Variants in SIN3B observed in about 807,000 individuals in gnomAD.
The protein encoded by SIN3B is SIN3 transcription regulator family member B.
A neutral mutation model predicts 120.2 loss-of-function variants in SIN3B; 19 were observed. The observed-to-expected ratio is 0.16, with a 90% confidence interval of 0.11 to 0.23. SIN3B has a LOEUF of 0.23. SIN3B is among the 10% of genes least tolerant of loss of function. SIN3B has a pLI of 1.00. For missense variants in SIN3B, 1,073 were observed against 1,573.0 expected (o/e 0.68, Z 5.38); for synonymous variants, 654 against 653.2 (o/e 1.00, Z -0.02).
intron 5 of SIN3B, among the ~76,000 whole-genome samples, chr19:16,849,440 CTT>C (rs1401237515): frequency 1.3e-5 from 2 of 152,126 alleles, no homozygotes; most frequent in Non-Finnish European, 2.9e-5. Context: ...ACCAACAAAA[CTT>C]TATTTACAAA....
chr19:16,856,322 C>T (rs1184629843), intron 8 of SIN3B, among the ~76,000 whole-genome samples: 1 of 152,122 alleles, frequency 6.6e-6, no homozygotes, highest in Non-Finnish European at 1.5e-5. Flanking sequence ...CACATCAGCC[C>T]TGTGACTAGG....
Position 16,866,264 on chromosome 19 carries a change from TG to T in SIN3B, c.1623-106del. ...GACTAGGCTGGGAGCTGGCTGGGCC[TG>T]GGTCCTGGACCCCCAGTCAAGTCCC... On this transcript the variant is annotated intron_variant, in intron 11 of 18. Transcript: ENST00000248054. 4 of 1,108,548 alleles carry T rather than the reference TG, an allele frequency of 3.6e-6. No individual in the cohort carries two copies. In the Admixed American group the frequency reaches 7.3e-5, roughly 20 times the overall value. 68.7% of individuals were successfully genotyped at this position (1,108,548 alleles called of 1,614,324 possible).
intron 3 of SIN3B, among the ~76,000 whole-genome samples, chr19:16,840,240 G>A (rs1281167657): frequency 6.6e-6 from 1 of 152,124 alleles, no homozygotes; most frequent in Non-Finnish European, 1.5e-5. Flanking sequence ...CCTTTGAAGA[G>A]GTGATTTAAC....
At position 16,841,765 on chromosome 19, in the gene SIN3B, C is replaced by A; in HGVS notation, c.382-3C>A. 1 of 1,613,408 alleles carries A rather than the reference C, an allele frequency of 6.2e-7. No individual in the cohort carries two copies. The highest frequency in any genetic ancestry group is 1.1e-5 in the South Asian group (1 of 91,040). On this transcript the variant is annotated splice_polypyrimidine_tract_variant and splice_region_variant and intron_variant, in intron 3 of 18. Coordinates refer to ENST00000248054, the MANE Select transcript of SIN3B (RefSeq NM_001297595.2). ...TGGCAGTAACTCATTGTCGCCTTGT[C>A]AGGAGAATTCGCACAACCACGGGGA...
chr19:16,875,590 G>A (rs1308714812), intron 14 of SIN3B, among the ~76,000 whole-genome samples: 1 of 136,796 alleles, frequency 7.3e-6, no homozygotes, highest in Admixed American at 7.5e-5. Context: ...GTTTGGTTTT[G>A]GTTTGGTCTG....
intron 3 of SIN3B, among the ~76,000 whole-genome samples, chr19:16,835,369 C>G (rs1667178475): frequency 6.6e-6 from 1 of 151,612 alleles, no homozygotes; most frequent in African/African-American, 2.4e-5. Flanking sequence ...GCTGGGATTA[C>G]AGGTGCCTGC....
intron 13 of SIN3B, 150 bp downstream of exon 13, chr19:16,870,225 T>C: frequency 9.7e-7 from 1 of 1,028,330 alleles, no homozygotes; most frequent in Non-Finnish European, 1.4e-6. Flanking sequence ...AAACAGGAAG[T>C]TGCCAGCATA....
At chr19:16,851,113 G>C (rs1264921315) in intron 5 of SIN3B, among the ~76,000 whole-genome samples, 1 of 152,186 alleles carries the variant, frequency 6.6e-6, no homozygotes, top group Non-Finnish European at 1.5e-5. Context: ...CCCCCGCACG[G>C]GAAGACCCAA....
chr19:16,855,379 C>CCCG (rs1568418909), intron 8 of SIN3B: 2 of 117,336 alleles, frequency 1.7e-5, no homozygotes, highest in African/African-American at 3.4e-5. Context: ...TTCCCCCCCC[C>CCCG]CCCCCCAGCA....
In SIN3B at chr19:16,862,313, C is replaced by G. The variant is rs764505183; in HGVS notation, c.1059-39C>G. On this transcript the variant is annotated intron_variant, in intron 8 of 18. Transcript: ENST00000248054. The surrounding 1 kb of genome is among the most constrained non-coding windows in gnomAD (Gnocchi z 4.7). ...ATCTCCAGATCCCTCTCAGAAGGCC[C>G]TGGGGATGACCAGTTACCATGTGTC... is the stretch of plus-strand genomic sequence containing the variant. The G allele has an allele frequency of 1.9e-5, 29 of 1,555,536 alleles. No individual in the cohort carries two copies. The South Asian group carries it at 3.0e-4, about 16-fold the overall frequency.
chr19:16,848,426 G>GTTTTTTTTTTTTTTTTTTTTTTCTT (rs11293258), intron 5 of SIN3B, among the ~76,000 whole-genome samples: 1 of 116,964 alleles, frequency 8.5e-6, no homozygotes, highest in Non-Finnish European at 1.8e-5. Context: ...TCTTTTCCAG[G>GTTTTTTTTTTTTTTTTTTTTTTCTT]TTTTTTTTTT....
Position 16,878,213 on chromosome 19 carries a change from G to A in SIN3B, c.2985G>A (p.Gln995=). The A allele has an allele frequency of 6.3e-7, 1 of 1,588,192 alleles. No individual in the cohort carries two copies. The highest frequency in any genetic ancestry group is 8.6e-7 in the Non-Finnish European group (1 of 1,165,384). Residue 995 remains glutamine, a synonymous_variant, in exon 18 of 19, where the codon CAG becomes CAA. Transcript: ENST00000248054. ...TCAAGAAGTTCCGCCGCCGGTGGCA[G>A]AGCGAGCAGGCGCGGGCCCTGCGCG... ...RNLKKFRRRW[Q]SEQARALRGE... is the part of the protein sequence containing the mutation.
intron 5 of SIN3B, among the ~76,000 whole-genome samples, chr19:16,849,692 G>A (rs1051523549): frequency 6.6e-6 from 1 of 152,196 alleles, no homozygotes; most frequent in Non-Finnish European, 1.5e-5. Context: ...GAGCTTGGCT[G>A]GACGCATGGC....
chr19:16,843,388 A>G (rs1200047361), intron 4 of SIN3B, among the ~76,000 whole-genome samples: 1 of 152,218 alleles, frequency 6.6e-6, no homozygotes, highest in Non-Finnish European at 1.5e-5. Flanking sequence ...TGGGAACTCC[A>G]CAGCATTTGT....
rs758462129 is a variant in SIN3B at position 16,862,445 on chromosome 19, G to A, written c.1152G>A (p.Gly384=). ...CCATGAGCGACAGATCCGGGGACGG[G>A]ATAAGCCGGGAAATTGATTATGCAT... ...APPMSDRSGD[G]ISREIDYASC... The change falls in exon 9 of 19, where the codon GGG becomes GGA. Residue 384 remains glycine, a synonymous_variant. Transcript: ENST00000248054. The surrounding 1 kb of genome is among the most constrained non-coding windows in gnomAD (Gnocchi z 4.7). 8 of 1,614,178 alleles carry A rather than the reference G, an allele frequency of 5.0e-6. No individual in the cohort carries two copies. The highest frequency in any genetic ancestry group is 4.0e-5 in the African/African-American group (3 of 75,044).
chr19:16,863,319 A>ATACC, intron 9 of SIN3B: 1 of 448,570 alleles, frequency 2.2e-6, no homozygotes, highest in Non-Finnish European at 4.0e-6. Flanking sequence ...ACATTTTAAG[A>ATACC]ATGCAGTGTA....
chr19:16,830,266 T>C (rs73010417), intron 2 of SIN3B, among the ~76,000 whole-genome samples: 3,475 of 152,312 alleles, frequency 0.023, 57 homozygotes, highest in Middle Eastern at 0.037. Flanking sequence ...TAAAATGTTA[T>C]TGTCTTGATG....
At chr19:16,873,928 G>C (rs2051547038) in intron 14 of SIN3B, among the ~76,000 whole-genome samples, 1 of 152,236 alleles carries the variant, frequency 6.6e-6, no homozygotes, top group Non-Finnish European at 1.5e-5. Context: ...GTGGGCACTT[G>C]CTGTGTGCCA....
At chr19:16,832,608 C>T (rs1971294106) in intron 3 of SIN3B, among the ~76,000 whole-genome samples, 1 of 151,556 alleles carries the variant, frequency 6.6e-6, no homozygotes, top group Non-Finnish European at 1.5e-5. Context: ...TCAAGTGATC[C>T]TCCCGTCTCA....
Sources: gnomAD v4.1 joint callset for allele counts (sites outside exome capture counted in the v4.1 genomes callset) on GRCh38, gnomAD v4.1.1 for gene constraint, Gnocchi (gnomAD v3.1) non-coding constraint, MANE v1.5 for transcripts, NCBI Gene and HGNC (gene_info 2026-07-23, HGNC 2026-07-21) for gene names.